Variants in ITGA4 observed in about 807,000 individuals in gnomAD.
The protein encoded by ITGA4 is integrin subunit alpha 4.
A neutral mutation model predicts 133.6 loss-of-function variants in ITGA4; 63 were observed. The observed-to-expected ratio is 0.47, with a 90% CI of 0.38 to 0.58. The LOEUF is 0.58. ITGA4 is among the 20% of genes least tolerant of loss of function. ITGA4 has a pLI of 0.00. For missense variants in ITGA4, 1,076 were observed against 1,252.7 expected (o/e 0.86, Z 2.13); for synonymous variants, 483 against 438.0 (o/e 1.10, Z -1.28).
rs1686599344 is a variant in ITGA4 at position 181,516,033 on chromosome 2, T to A, written c.1922+4258T>A. Among the ~76,000 whole-genome samples, 1 of 152,008 alleles carries A rather than the reference T, an allele frequency of 6.6e-6. No individual in the cohort carries two copies. The highest frequency in any genetic ancestry group is 2.4e-5 in the African/African-American group (1 of 41,408). ...TCTCTTAAGTTGAGGCTTCCTCCTGTATGTCTAAATGCTTAGGACAATAAA... is the reference window on the plus strand; with the variant it reads ...TCTCTTAAGTTGAGGCTTCCTCCTGAATGTCTAAATGCTTAGGACAATAAA... On this transcript the variant is annotated intron_variant, in intron 17 of 27. Coordinates refer to ENST00000397033, the MANE Select transcript of ITGA4 (RefSeq NM_000885.6). This position sits in a 1 kb window ranked among gnomAD's most constrained non-coding sequence, Gnocchi z 4.0.
At chr2:181,479,490 GTTT>G (rs1269348829) in intron 5 of ITGA4, 4 of 32,082 alleles carry the variant, frequency 1.2e-4, no homozygotes, top group Non-Finnish European at 3.1e-4. Flanking sequence ...GCTTTCTTCA[GTTT>G]AAGTTGACTT....
chr2:181,537,945 T>G lies in ITGA4; in HGVS notation c.*2418T>G. 1 of 619,830 alleles carries G rather than the reference T, an allele frequency of 1.6e-6. No individual in the cohort carries two copies. The highest frequency in any genetic ancestry group is 3.0e-6 in the Non-Finnish European group (1 of 330,370). 38.4% of individuals were successfully genotyped at this position (619,830 alleles called of 1,614,324 possible). A position where few individuals can be genotyped will look rare whatever the true frequency, so the allele number is the denominator to read the frequency against. ...CAGCAGCATTAGATTCTCATAGAAG[T>G]GCGAACCATATGGTGAACTGGTATG... On this transcript the variant is annotated 3_prime_UTR_variant, in exon 28 of 28. Coordinates refer to ENST00000397033, the MANE Select transcript of ITGA4 (RefSeq NM_000885.6).
chr2:181,460,007 A>G (rs1234067316), intron 2 of ITGA4, among the ~76,000 whole-genome samples: 4 of 152,200 alleles, frequency 2.6e-5, no homozygotes, highest in Admixed American at 1.3e-4. Flanking sequence ...ATGGGAGTTG[A>G]CTGTTCTCAG....
rs13415157 is a variant in ITGA4, at chr2:181,466,117, A to C, written c.319+7800A>C. Among the ~76,000 whole-genome samples, 1,008 of 152,182 alleles carry C rather than the reference A, an allele frequency of 6.6e-3. 6 individuals carry two copies. The highest frequency in any genetic ancestry group is 0.022 in the African/African-American group (925 of 41,522). ...TACGTTTTCTGTGGGATTTTGAAGA[A>C]GTCCTGGCAGAGACCCCAAACCTAA... On this transcript the variant is annotated intron_variant, in intron 2 of 27. Coordinates refer to ENST00000397033, the MANE Select transcript of ITGA4 (RefSeq NM_000885.6).
chr2:181,497,589 T>C (rs1305475958), intron 14 of ITGA4, among the ~76,000 whole-genome samples: 1 of 152,190 alleles, frequency 6.6e-6, no homozygotes, highest in African/African-American at 2.4e-5. Flanking sequence ...GAAGGATTTA[T>C]TTGAAATGTG....
chr2:181,534,031 T>C (rs1338617827), intron 25 of ITGA4, among the ~76,000 whole-genome samples: 1 of 152,204 alleles, frequency 6.6e-6, no homozygotes, highest in East Asian at 1.9e-4. Flanking sequence ...TAGTCTAATA[T>C]TTAAATCAAG....
rs1433371895 is a variant in ITGA4, at chr2:181,537,022, T to C, written c.*1495T>C. 2.2e-6 allele frequency: 1 copy of C among 446,466 alleles called. No homozygotes were observed. Among genetic ancestry groups the C allele is most frequent in the Non-Finnish European group, 4.5e-6 (1 of 223,082 alleles). 27.7% of individuals were successfully genotyped at this position (446,466 alleles called of 1,614,324 possible). Reference sequence around the variant, plus strand: ...CCTGCAGTGATGGTGAGGAATGTTCTGAGATTTGCGAAGGCATTTGAGTAG... The same window carrying C: ...CCTGCAGTGATGGTGAGGAATGTTCCGAGATTTGCGAAGGCATTTGAGTAG... On this transcript the variant is annotated 3_prime_UTR_variant, in exon 28 of 28. Transcript: ENST00000397033.
chr2:181,532,717 T>C (rs1328995239), intron 25 of ITGA4, among the ~76,000 whole-genome samples: 1 of 152,196 alleles, frequency 6.6e-6, no homozygotes, highest in African/African-American at 2.4e-5. Flanking sequence ...TCTCTTCCTA[T>C]TTGAATACCC....
At chr2:181,483,688 A>T (rs1394639086) in intron 9 of ITGA4, among the ~76,000 whole-genome samples, 3 of 152,112 alleles carry the variant, frequency 2.0e-5, no homozygotes, top group African/African-American at 7.2e-5. Context: ...TAATAGTAAA[A>T]GCAAATTATC....
intron 10 of ITGA4, among the ~76,000 whole-genome samples, chr2:181,491,606 A>G (rs925394822): frequency 6.6e-6 from 1 of 152,204 alleles, no homozygotes; most frequent in African/African-American, 2.4e-5. Context: ...TATTTTTTTC[A>G]TGTGTTATGA....
chr2:181,457,432 G>T lies in ITGA4; in HGVS notation c.-223G>T, dbSNP rs1020622612. 1.6e-5 allele frequency: 8 copies of T among 502,330 alleles called. No homozygotes were observed. Among genetic ancestry groups the T allele is most frequent in the Non-Finnish European group, 2.1e-5 (6 of 284,174 alleles). 31.1% of individuals were successfully genotyped at this position (502,330 alleles called of 1,614,324 possible). On this transcript the variant is annotated 5_prime_UTR_variant, in exon 1 of 28. Transcript: ENST00000397033. Reference sequence around the variant, plus strand: ...GCTCCCGGCTGGCGGCAGAAACCGGGAGTGGGGCCGGGCGAGTGCGCGGCA... The same window carrying T: ...GCTCCCGGCTGGCGGCAGAAACCGGTAGTGGGGCCGGGCGAGTGCGCGGCA...
intron 20 of ITGA4, 137 bp downstream of exon 20, chr2:181,524,387 CA>C: frequency 5.6e-6 from 3 of 531,282 alleles, no homozygotes; most frequent in Non-Finnish European, 9.8e-6. Flanking sequence ...TTAAAAGAAC[CA>C]AACAACATAG....
chr2:181,475,937 A>G (rs984139960), intron 4 of ITGA4: 9 of 1,475,992 alleles, frequency 6.1e-6, no homozygotes, highest in Middle Eastern at 1.7e-4. Context: ...ATGCGTCTTT[A>G]GGAGCTAAGA....
chr2:181,473,692 G>A lies in ITGA4; in HGVS notation c.320-1268G>A, dbSNP rs183729858. On this transcript the variant is annotated intron_variant, in intron 2 of 27. Coordinates refer to ENST00000397033, the MANE Select transcript of ITGA4 (RefSeq NM_000885.6). ...ACTTCTCAAATATTAGCCTTACCAGGCATAGTGGCTTATGCTGGTAATCCC... is the reference window on the plus strand; with the variant it reads ...ACTTCTCAAATATTAGCCTTACCAGACATAGTGGCTTATGCTGGTAATCCC... 1.4e-4 allele frequency among the ~76,000 whole-genome samples: 21 copies of A among 152,314 alleles called. 1 individual carries two copies. The East Asian group carries it at 2.7e-3, about 20-fold the overall frequency.
intron 3 of ITGA4, 29 bp downstream of exon 3, chr2:181,475,095 A>G (rs968533783): frequency 2.5e-6 from 4 of 1,613,408 alleles, no homozygotes; most frequent in Non-Finnish European, 1.7e-6. Flanking sequence ...CCACAGATCC[A>G]TCGTGAAATC....
rs201919577 is a variant in ITGA4 at position 181,458,221 on chromosome 2, A to G, written c.223A>G (p.Asn75Asp). The G allele has an allele frequency of 1.5e-4, 246 of 1,613,956 alleles. 3 individuals are homozygous for G. Among genetic ancestry groups the G allele is most frequent in the South Asian group, 1.4e-3 (130 of 91,026 alleles). The stretch of plus-strand genomic sequence containing the variant: ...GCTCCTAGTGGGTGCGCCCACTGCC[A>G]ACTGGCTCGCCAACGCTTCAGTGAT... ...RWLLVGAPTA[N>D]WLANASVINP... The change falls in exon 2 of 28, where the codon AAC becomes GAC. Residue 75 changes from asparagine (N) to aspartate (D), a missense_variant. Physicochemically the swap from Asn to Asp is conservative, Grantham distance 23. Transcript: ENST00000397033.
chr2:181,522,361 A>G lies in ITGA4; in HGVS notation c.2073+20A>G. ...GAGCTGGTAAGTACTGTAAACCACAATAGCATGATACTACTTGGTATTTTA... is the reference window on the plus strand; with the variant it reads ...GAGCTGGTAAGTACTGTAAACCACAGTAGCATGATACTACTTGGTATTTTA... On this transcript the variant is annotated intron_variant, in intron 18 of 27. Coordinates refer to ENST00000397033, the MANE Select transcript of ITGA4 (RefSeq NM_000885.6). The G allele has an allele frequency of 6.5e-7, 1 of 1,535,248 alleles. No individual in the cohort carries two copies. The highest frequency in any genetic ancestry group is 1.4e-5 in the African/African-American group (1 of 72,228).
At chr2:181,458,489 C>G (rs1029844303) in intron 2 of ITGA4, 172 bp downstream of exon 2, 2 of 694,658 alleles carry the variant, frequency 2.9e-6, no homozygotes, top group African/African-American at 3.6e-5. Context: ...AAGGGATTCC[C>G]TTTCTGTTAA....
intron 25 of ITGA4, among the ~76,000 whole-genome samples, chr2:181,533,176 C>T (rs1023380100): frequency 1.3e-5 from 2 of 152,130 alleles, no homozygotes; most frequent in Non-Finnish European, 2.9e-5. Flanking sequence ...TCAGCTTTCT[C>T]ATCTGTTCAA....
Sources: gnomAD v4.1 joint callset for allele counts (sites outside exome capture counted in the v4.1 genomes callset) on GRCh38, gnomAD v4.1.1 for gene constraint, Gnocchi (gnomAD v3.1) non-coding constraint, MANE v1.5 for transcripts, NCBI Gene and HGNC (gene_info 2026-07-23, HGNC 2026-07-21) for gene names.